The following NIPAL2 variants were observed in gnomAD, a reference collection of about 807,000 sequenced individuals.
NIPAL2 encodes the protein NIPA like domain containing 2.
In NIPAL2, 43 loss-of-function variants were observed where a neutral mutation model predicts 48.9. That is an observed-to-expected ratio of 0.88 (90% CI 0.69 to 1.13). The LOEUF (loss-of-function observed/expected upper bound fraction) is 1.13, where lower values mean the gene tolerates loss of function less well. Ranked by LOEUF, NIPAL2 falls within the 50% of genes most tolerant of loss-of-function variation. The pLI, the probability that NIPAL2 is intolerant of heterozygous loss-of-function variation, is 0.00. For synonymous variants in NIPAL2, 167 were observed against 174.6 expected (o/e 0.96, Z 0.34); for missense variants, 446 against 461.4 (o/e 0.97, Z 0.31).
At chr8:98,288,762 G>A (rs910385502) in intron 1 of NIPAL2, among the ~76,000 whole-genome samples, 2 of 152,072 alleles carry the variant, frequency 1.3e-5, no homozygotes, top group Non-Finnish European at 2.9e-5. Flanking sequence ...ATCTCATTGT[G>A]GTATTACATA....
chr8:98,205,955 C>T (rs1036416084), intron 6 of NIPAL2, among the ~76,000 whole-genome samples: 2 of 152,194 alleles, frequency 1.3e-5, no homozygotes, highest in Non-Finnish European at 2.9e-5. Flanking sequence ...TAAAGTGGAA[C>T]TCATCCCTTA....
intron 1 of NIPAL2, among the ~76,000 whole-genome samples, chr8:98,292,520 C>CA (rs571112613): frequency 8.7e-4 from 132 of 152,276 alleles, no homozygotes; most frequent in African/African-American, 2.9e-3. Context: ...CTAACCTGTA[C>CA]AAATACACAC....
At chr8:98,232,889 T>A (rs1438427375) in intron 4 of NIPAL2, among the ~76,000 whole-genome samples, 1 of 152,206 alleles carries the variant, frequency 6.6e-6, no homozygotes, top group Non-Finnish European at 1.5e-5. Context: ...TACATTCAAA[T>A]GAGATAATCC....
intron 3 of NIPAL2, among the ~76,000 whole-genome samples, chr8:98,251,261 T>A (rs1813571435): frequency 6.6e-6 from 1 of 152,064 alleles, no homozygotes; most frequent in Admixed American, 6.6e-5. Flanking sequence ...AAAACAACAT[T>A]TTCAAGACAG....
At position 98,294,009 on chromosome 8, in the gene NIPAL2, C is replaced by G. The variant is rs750587606; in HGVS notation, c.129G>C (p.Arg43Ser). The change falls in exon 1 of 11, where the codon AGG becomes AGC. Residue 43 changes from arginine to serine, a missense_variant. Transcript: ENST00000430223. ...NGSLSGDWYR[R>S]NQIHLFGVLL... The stretch of plus-strand genomic sequence containing the variant: ...GCTGCGGGGCGGCCCTTACCTGGTT[C>G]CTGCGGTACCAGTCGCCCGAGAGGG... The G allele has an allele frequency of 2.0e-6, 3 of 1,489,802 alleles. No individual in the cohort carries two copies. Among genetic ancestry groups the G allele is most frequent in the Non-Finnish European group, 2.7e-6 (3 of 1,119,318 alleles). 92.3% of individuals were successfully genotyped at this position (1,489,802 alleles called of 1,614,324 possible). A position where few individuals can be genotyped will look rare whatever the true frequency, so the allele number is the denominator to read the frequency against.
chr8:98,256,558 C>T (rs1002174442), intron 1 of NIPAL2, among the ~76,000 whole-genome samples: 21 of 151,830 alleles, frequency 1.4e-4, no homozygotes, highest in Admixed American at 7.2e-4. Flanking sequence ...TTCTCAGCAT[C>T]ACTAATCATT....
intron 3 of NIPAL2, among the ~76,000 whole-genome samples, chr8:98,241,131 A>C (rs916778213): frequency 2.7e-4 from 41 of 152,232 alleles, no homozygotes; most frequent in African/African-American, 9.4e-4. Flanking sequence ...ACCATGGTCT[A>C]TGTGTGTAGG....
At chr8:98,276,973 T>C (rs1053714162) in intron 1 of NIPAL2, among the ~76,000 whole-genome samples, 5 of 152,224 alleles carry the variant, frequency 3.3e-5, no homozygotes, top group East Asian at 3.9e-4. Flanking sequence ...TTTCACCCTG[T>C]TGGCCAGGCT....
intron 1 of NIPAL2, among the ~76,000 whole-genome samples, chr8:98,280,761 T>TATAGAGAGAGAGAGAGAGAGAG: frequency 1.0e-4 from 3 of 30,028 alleles, no homozygotes; most frequent in Admixed American, 4.5e-4. Context: ...TATATATATA[T>TATAGAGAGAGAGAGAGAGAGAG]AGAGAGAGAG....
At position 98,203,197 on chromosome 8, in the gene NIPAL2, C is replaced by T; in HGVS notation, c.792-1G>A. The T allele has an allele frequency of 6.2e-7, 1 of 1,613,252 alleles. No individual in the cohort carries two copies. Among genetic ancestry groups the T allele is most frequent in the Non-Finnish European group, 8.5e-7 (1 of 1,179,212 alleles). ...GAGTTTCGTGGCTTGATTCAGGAAC[C>T]TAGGGCAGAAGGCACTTACTGGAGC... On this transcript the variant is annotated splice_acceptor_variant, in intron 7 of 10. Coordinates refer to ENST00000430223, the MANE Select transcript of NIPAL2 (RefSeq NM_001321635.2). LOFTEE classifies it high-confidence loss of function.
chr8:98,280,761 T>TATATAGAGAGAGAGAGAGAGAGAGAGAG, intron 1 of NIPAL2, among the ~76,000 whole-genome samples: 5 of 30,024 alleles, frequency 1.7e-4, no homozygotes, highest in African/African-American at 2.3e-4. Flanking sequence ...TATATATATA[T>TATATAGAGAGAGAGAGAGAGAGAGAGAG]AGAGAGAGAG....
At position 98,274,271 on chromosome 8, in the gene NIPAL2, C is replaced by A. The variant is rs138747902; in HGVS notation, c.135+19732G>T. Among the ~76,000 whole-genome samples the A allele has an allele frequency of 9.9e-5, 15 of 151,492 alleles. No homozygotes were observed. In the East Asian group the frequency reaches 1.4e-3, roughly 14 times the overall value. ...CTATCATCTATCTATCTATCTATCT[C>A]TCTATCTATCTATCTATCCATCCAC... On this transcript the variant is annotated intron_variant, in intron 1 of 10. Coordinates refer to ENST00000430223, the MANE Select transcript of NIPAL2 (RefSeq NM_001321635.2).
intron 2 of NIPAL2, 140 bp downstream of exon 2, chr8:98,253,879 C>G (rs1813731930): frequency 1.9e-6 from 1 of 518,132 alleles, no homozygotes; most frequent in Non-Finnish European, 3.4e-6. Context: ...GTGTTTATAC[C>G]AATGAGGTCA....
rs779882529 is a variant in NIPAL2, at chr8:98,254,007, C to A, written c.204+12G>T. 3.8e-6 allele frequency: 6 copies of A among 1,589,600 alleles called. No homozygotes were observed. The Admixed American group carries it at 8.4e-5, about 22-fold the overall frequency. ...CAATCTATAGTGTTAGAAAAATAAG[C>A]TTTTTTCTTACCTGAATATTTAGAG... On this transcript the variant is annotated intron_variant, in intron 2 of 10. Coordinates refer to ENST00000430223, the MANE Select transcript of NIPAL2 (RefSeq NM_001321635.2).
chr8:98,228,475 C>A (rs1483100121), intron 4 of NIPAL2, among the ~76,000 whole-genome samples: 2 of 152,208 alleles, frequency 1.3e-5, no homozygotes, highest in South Asian at 4.1e-4. Context: ...CTGCTACTTG[C>A]TACCTGGAAG....
chr8:98,258,621 C>T (rs1315258172), intron 1 of NIPAL2, among the ~76,000 whole-genome samples: 4 of 152,124 alleles, frequency 2.6e-5, no homozygotes, highest in African/African-American at 4.8e-5. Context: ...GGAGTATGTG[C>T]CTGTAAAAAT....
intron 5 of NIPAL2, 97 bp from the exon 6 acceptor site, chr8:98,212,598 G>A: frequency 1.5e-6 from 1 of 651,936 alleles, no homozygotes; most frequent in South Asian, 1.9e-5. Context: ...TCTCATATGA[G>A]CGTTGAGGGT....
At chr8:98,272,616 C>CTT (rs1222984441) in intron 1 of NIPAL2, among the ~76,000 whole-genome samples, 9 of 140,488 alleles carry the variant, frequency 6.4e-5, no homozygotes, top group Admixed American at 1.4e-4. Context: ...TGTGTGCTAT[C>CTT]TTTTTTTTTT....
chr8:98,233,367 T>C (rs984805388), intron 4 of NIPAL2, among the ~76,000 whole-genome samples: 1 of 151,188 alleles, frequency 6.6e-6, no homozygotes, highest in Non-Finnish European at 1.5e-5. Flanking sequence ...TGTGTGTGTG[T>C]TTTCCCCTTC....
Sources: gnomAD v4.1 joint callset for allele counts (sites outside exome capture counted in the v4.1 genomes callset) on GRCh38, gnomAD v4.1.1 for gene constraint, MANE v1.5 for transcripts, NCBI Gene and HGNC (gene_info 2026-07-23, HGNC 2026-07-21) for gene names.